The following KRT84 variants were observed in gnomAD, a reference collection of about 807,000 sequenced individuals.
KRT84 encodes keratin, type II cuticular Hb4.
KRT84 carries 38 observed loss-of-function variants against 49.0 expected under a neutral mutation model. That is an observed-to-expected ratio of 0.78 (90% CI 0.60 to 1.02). KRT84 has a LOEUF of 1.02. Ranked by LOEUF, KRT84 falls within the 50% of genes least tolerant of loss-of-function variation. The pLI, the probability that KRT84 is intolerant of heterozygous loss-of-function variation, is 0.00. For missense variants in KRT84, 860 were observed against 788.6 expected, an observed-to-expected ratio of 1.09 and a Z score of -1.08; for synonymous variants, 334 against 312.8, an observed-to-expected ratio of 1.07 and a Z score of -0.72.
chr12:52,381,191 C>T lies in KRT84; in HGVS notation c.1092G>A (p.Gln364=), dbSNP rs770668236. 8 of 1,614,096 alleles carry T rather than the reference C, an allele frequency of 5.0e-6. No individual in the cohort carries two copies. The highest frequency in any genetic ancestry group is 6.8e-6 in the Non-Finnish European group (8 of 1,180,054). The change falls in exon 6 of 9, where the codon CAG becomes CAA. Residue 364 remains glutamine (Q), a synonymous_variant. Transcript: ENST00000257951. ...TGTCACAGTGTTGGCCAGCTGTCAC[C>T]TGCATCTCTTCATACTGCGGAGAGA... is the stretch of plus-strand genomic sequence containing the variant. ...AWYQTKYEEM[Q]VTAGQHCDNL...
chr12:52,385,222 A>T lies in KRT84; in HGVS notation c.364T>A (p.Phe122Ile), dbSNP rs144471272. ...CCAACCCCTCCAACTCTGTAACCAA[A>T]GCCAGGGCCACCAAAGCCATAGCCA... is the stretch of plus-strand genomic sequence containing the variant. ...GIGYGFGGPGFGYRVGGVGVP... is the reference protein window; with the variant it reads ...GIGYGFGGPGIGYRVGGVGVP... The change falls in exon 1 of 9, where the codon TTT becomes ATT. Residue 122 changes from phenylalanine to isoleucine, a missense_variant. Coordinates refer to ENST00000257951, the MANE Select transcript of KRT84 (RefSeq NM_033045.4). 6.2e-7 allele frequency: 1 copy of T among 1,613,586 alleles called. No individual in the cohort carries two copies. Among genetic ancestry groups the T allele is most frequent in the Non-Finnish European group, 8.5e-7 (1 of 1,179,730 alleles).
At chr12:52,382,600 G>C (rs1939504612) in intron 3 of KRT84, 68 bp from the exon 4 acceptor site, 6 of 1,298,616 alleles carry the variant, frequency 4.6e-6, no homozygotes, top group Non-Finnish European at 6.7e-6. Context: ...CCTGTGTCTG[G>C]AGATGGGTGC....
At position 52,381,150 on chromosome 12, in the gene KRT84, C is replaced by A. The variant is rs530354854; in HGVS notation, c.1133G>T (p.Arg378Leu). 1 of 1,614,086 alleles carries A rather than the reference C, an allele frequency of 6.2e-7. No homozygotes were observed. The highest frequency in any genetic ancestry group is 2.2e-5 in the East Asian group (1 of 44,878). ...GCGGGTCAGTTCGTTGATCTCGTTCCGTATGTTGCGCAGGTTGTCACAGTG... is the reference window on the plus strand; with the variant it reads ...GCGGGTCAGTTCGTTGATCTCGTTCAGTATGTTGCGCAGGTTGTCACAGTG... ...GQHCDNLRNI[R>L]NEINELTRLI... Residue 378 changes from arginine (R) to leucine (L), a missense_variant, in exon 6 of 9, where the codon CGG (arginine) becomes CTG (leucine). Physicochemically the swap from Arg to Leu is moderately radical, Grantham distance 102 (BLOSUM62 -2). Coordinates refer to ENST00000257951, the MANE Select transcript of KRT84 (RefSeq NM_033045.4).
intron 4 of KRT84, among the ~76,000 whole-genome samples, chr12:52,382,057 A>G (rs1939493277): frequency 6.6e-6 from 1 of 152,226 alleles, no homozygotes; most frequent in African/African-American, 2.4e-5. Flanking sequence ...CAGACTGGAC[A>G]GATTGTTTAT....
At chr12:52,381,763 C>G (rs935111800) in intron 4 of KRT84, among the ~76,000 whole-genome samples, 1 of 152,204 alleles carries the variant, frequency 6.6e-6, no homozygotes, top group Non-Finnish European at 1.5e-5. Flanking sequence ...CTACTTTGCT[C>G]AGTAAGTATT....
intron 4 of KRT84, 102 bp from the exon 5 acceptor site, chr12:52,381,627 T>C (rs949386): frequency 0.051 from 57,813 of 1,136,598 alleles, 2,980 homozygotes; most frequent in African/African-American, 0.24. Context: ...GCAGAGAGCA[T>C]CACTCATTGG....
At chr12:52,384,980 C>A in intron 1 of KRT84, 60 bp downstream of exon 1, 1 of 1,501,108 alleles carries the variant, frequency 6.7e-7, no homozygotes, top group Non-Finnish European at 9.0e-7. Context: ...AGGGAAAGAG[C>A]ACTCTAGCGC....
Position 52,380,364 on chromosome 12 carries a change from G to C in KRT84, c.1423C>G (p.Arg475Gly), listed in dbSNP as rs199739480. ...TCCTGCTGGACTGAGAGTACTCACC[G>C]GCTCTCCTCGCCCTCCAGCAGGCGC... ...YRRLLEGEES[R>G]LCEGVGPVNI... is the part of the protein sequence containing the mutation. The change falls in exon 7 of 9, where the codon CGG (arginine) becomes GGG (glycine). Residue 475 changes from arginine to glycine, a missense_variant and splice_region_variant. By Grantham distance (125) the Arg-to-Gly change is moderately radical. Transcript: ENST00000257951. 1.2e-6 allele frequency: 2 copies of C among 1,613,810 alleles called. No individual in the cohort carries two copies. Among genetic ancestry groups the C allele is most frequent in the Non-Finnish European group, 1.7e-6 (2 of 1,180,018 alleles).
At position 52,382,535 on chromosome 12, in the gene KRT84, G is replaced by A; in HGVS notation, c.817-3C>T. 6.2e-7 allele frequency: 1 copy of A among 1,608,826 alleles called. No individual in the cohort carries two copies. The highest frequency in any genetic ancestry group is 8.5e-7 in the Non-Finnish European group (1 of 1,175,212). On this transcript the variant is annotated splice_polypyrimidine_tract_variant and splice_region_variant and intron_variant, in intron 3 of 8. Transcript: ENST00000257951. ...TTCATGAAAGCTGCATCCACATCCT[G>A]TATAAAACAGAGAAGGATAAATACT... is the stretch of plus-strand genomic sequence containing the variant.
At position 52,380,464 on chromosome 12, in the gene KRT84, C is replaced by A. The variant is rs1404113060; in HGVS notation, c.1323G>T (p.Met441Ile). ...ECALQQAKQDMARQLCEYQEL... is the reference protein window; with the variant it reads ...ECALQQAKQDIARQLCEYQEL... ...CCTGGTACTCGCACAGCTGCCGCGCCATGTCCTGCTTGGCCTGCTGCAGGG... is the reference window on the plus strand; with the variant it reads ...CCTGGTACTCGCACAGCTGCCGCGCAATGTCCTGCTTGGCCTGCTGCAGGG... The change falls in exon 7 of 9, where the codon ATG becomes ATT. Residue 441 changes from methionine to isoleucine, a missense_variant. Transcript: ENST00000257951. 3 of 1,614,212 alleles carry A rather than the reference C, an allele frequency of 1.9e-6. No individual in the cohort carries two copies. The South Asian group carries it at 3.3e-5, about 18-fold the overall frequency.
intron 2 of KRT84, 46 bp downstream of exon 2, chr12:52,383,544 C>A (rs1287540395): frequency 1.3e-6 from 2 of 1,548,512 alleles, no homozygotes; most frequent in African/African-American, 1.4e-5. Context: ...AATTCTGGGG[C>A]CAGGCCTGGC....
chr12:52,383,063 T>C lies in KRT84; in HGVS notation c.758A>G (p.Tyr253Cys), dbSNP rs1031689235. ...QDVLEGFKKK[Y>C]EEEVVCRANA... The stretch of plus-strand genomic sequence containing the variant: ...GGCCCGACATACCACTTCCTCTTCA[T>C]ACCTGATGATAAAGGTTAAGAGGGT... The change falls in exon 3 of 9, where the codon TAT becomes TGT. Residue 253 changes from tyrosine (Y) to cysteine (C), a missense_variant and splice_region_variant. Coordinates refer to ENST00000257951, the MANE Select transcript of KRT84 (RefSeq NM_033045.4). 3.7e-6 allele frequency: 6 copies of C among 1,613,582 alleles called. No homozygotes were observed. Among genetic ancestry groups the C allele is most frequent in the African/African-American group, 1.3e-5 (1 of 75,038 alleles).
upstream of KRT84, among the ~76,000 whole-genome samples, chr12:52,386,639 C>T (rs11170105): frequency 0.063 from 9,569 of 151,958 alleles, 441 homozygotes; most frequent in African/African-American, 0.13. Flanking sequence ...CCAAATATAC[C>T]ATAGGTGTGA....
Position 52,385,533 on chromosome 12 carries a change from C to T in KRT84, c.53G>A (p.Ser18Asn). 6.2e-7 allele frequency: 1 copy of T among 1,614,156 alleles called. No homozygotes were observed. Among genetic ancestry groups the T allele is most frequent in the Non-Finnish European group, 8.5e-7 (1 of 1,180,038 alleles). Residue 18 changes from serine to asparagine, a missense_variant, in exon 1 of 9, where the codon AGC becomes AAC. Coordinates refer to ENST00000257951, the MANE Select transcript of KRT84 (RefSeq NM_033045.4). ...VSSGHRVGNF[S>N]SCSAMTPQNL... ...CTGTGGTGTCATTGCTGAACAAGAG[C>T]TGAAGTTGCCCACCCGGTGACCAGA...
rs1046071576 is a variant in KRT84 at position 52,380,600 on chromosome 12, T to C, written c.1204-17A>G. ...CTTGGCACGCTGCAGGGAAGGCAGT[T>C]TGCAGGTAGGCTTCGGCAGTGCCAG... is the stretch of plus-strand genomic sequence containing the variant. On this transcript the variant is annotated splice_polypyrimidine_tract_variant and intron_variant, in intron 6 of 8. Coordinates refer to ENST00000257951, the MANE Select transcript of KRT84 (RefSeq NM_033045.4). The C allele has an allele frequency of 1.3e-6, 2 of 1,593,724 alleles. No individual in the cohort carries two copies. Among genetic ancestry groups the C allele is most frequent in the African/African-American group, 2.7e-5 (2 of 74,598 alleles).
Position 52,385,264 on chromosome 12 carries a change from C to T in KRT84, c.322G>A (p.Gly108Arg), listed in dbSNP as rs1446007060. 1.2e-6 allele frequency: 2 copies of T among 1,614,152 alleles called. No homozygotes were observed. The highest frequency in any genetic ancestry group is 8.5e-7 in the Non-Finnish European group (1 of 1,180,044). ...RADSCVGLGF[G>R]AGSGIGYGFG... Reference sequence around the variant, plus strand: ...CCATAGCCAATGCCACTGCCAGCTCCAAAGCCCAGACCAACACAGCTGTCA... The same window carrying T: ...CCATAGCCAATGCCACTGCCAGCTCTAAAGCCCAGACCAACACAGCTGTCA... The change falls in exon 1 of 9, where the codon GGA (glycine) becomes AGA (arginine). Residue 108 changes from glycine to arginine, a missense_variant. Gly to Arg is a moderately radical substitution (Grantham distance 125, BLOSUM62 -2). Coordinates refer to ENST00000257951, the MANE Select transcript of KRT84 (RefSeq NM_033045.4).
chr12:52,380,568 C>A lies in KRT84; in HGVS notation c.1219G>T (p.Ala407Ser). The A allele has an allele frequency of 1.2e-6, 2 of 1,612,240 alleles. No homozygotes were observed. The highest frequency in any genetic ancestry group is 1.7e-6 in the Non-Finnish European group (2 of 1,179,106). Reference protein sequence around the residue: ...HAKAQRAKLEAAVAEAEQQGE... With the variant: ...HAKAQRAKLESAVAEAEQQGE... ...TGCTGCTCGGCCTCGGCCACTGCAG[C>A]CTCCAACTTGGCACGCTGCAGGGAA... is the stretch of plus-strand genomic sequence containing the variant. Residue 407 changes from alanine to serine, a missense_variant, in exon 7 of 9, where the codon GCT (alanine) becomes TCT (serine). Coordinates refer to ENST00000257951, the MANE Select transcript of KRT84 (RefSeq NM_033045.4).
At chr12:52,380,700 C>T (rs1939467708) in intron 6 of KRT84, 117 bp from the exon 7 acceptor site, 3 of 1,059,470 alleles carry the variant, frequency 2.8e-6, no homozygotes, top group Non-Finnish European at 2.7e-6. Flanking sequence ...AGGGATGGAC[C>T]CCATGGTGGC....
chr12:52,381,500 A>T lies in KRT84; in HGVS notation c.938T>A (p.Ile313Asn). 6.2e-7 allele frequency: 1 copy of T among 1,614,096 alleles called. No individual in the cohort carries two copies. Among genetic ancestry groups the T allele is most frequent in the Non-Finnish European group, 8.5e-7 (1 of 1,180,022 alleles). The change falls in exon 5 of 9, where the codon ATC becomes AAC. Residue 313 changes from isoleucine (I) to asparagine (N), a missense_variant. By Grantham distance (149) the Ile-to-Asn change is moderately radical (BLOSUM62 -3). Coordinates refer to ENST00000257951, the MANE Select transcript of KRT84 (RefSeq NM_033045.4). ...MEEIQLLQSH[I>N]SETSVIVKMD... is the part of the protein sequence containing the mutation. ...CTTCACAATGACCGACGTCTCTGAG[A>T]TGTGCGACTGCAGCAACTGGATTTC...
Sources: allele counts gnomAD v4.1 joint callset (sites outside exome capture counted in the v4.1 genomes callset), GRCh38; gene constraint gnomAD v4.1.1; transcripts MANE v1.5; gene names NCBI Gene and HGNC (gene_info 2026-07-23, HGNC 2026-07-21).